Variants in FAM78B observed in about 807,000 individuals in gnomAD.
FAM78B encodes protein FAM78B.
In FAM78B, 10 loss-of-function variants were observed where a neutral mutation model predicts 20.0. The observed-to-expected ratio is 0.50, with a 90% CI of 0.31 to 0.85. The LOEUF is 0.85. Among genes scored for constraint, FAM78B ranks in the 40% least tolerant of loss-of-function variants. FAM78B has a pLI of 0.05. For synonymous variants in FAM78B, 135 were observed against 132.8 expected, an observed-to-expected ratio of 1.02 and a Z score of -0.12; for missense variants, 283 against 345.0, an observed-to-expected ratio of 0.82 and a Z score of 1.42.
chr1:166,067,490 G>T (rs553814166), downstream of FAM78B, among the ~76,000 whole-genome samples: 1 of 152,054 alleles, frequency 6.6e-6, no homozygotes, highest in African/African-American at 2.4e-5. Context: ...GGCATCTGGC[G>T]TCAGGCCCAG....
At position 166,154,862 on chromosome 1, in the gene FAM78B, G is replaced by T. The variant is rs1655835327; in HGVS notation, c.263+11124C>A. 6.4e-6 allele frequency: 3 copies of T among 472,030 alleles called. No individual in the cohort carries two copies. In the Admixed American group the frequency reaches 7.1e-5, roughly 11 times the overall value. The allele number at this position is 472,030 out of a possible 1,614,324, so 29.2% of individuals were successfully genotyped here. ...TGTAAAAGAAGCAAATGAGCTAGAT[G>T]ATTTCCCGCACCATCCTAACACCCT... On this transcript the variant is annotated intron_variant, in intron 1 of 1. Coordinates refer to ENST00000354422, the MANE Select transcript of FAM78B (RefSeq NM_001017961.5).
chr1:166,155,885 G>A (rs1421099007), intron 1 of FAM78B, among the ~76,000 whole-genome samples: 1 of 152,184 alleles, frequency 6.6e-6, no homozygotes, highest in East Asian at 1.9e-4. Flanking sequence ...ATCCCAGCCT[G>A]AGCCCCCATG....
intron 1 of FAM78B, among the ~76,000 whole-genome samples, chr1:166,160,789 T>C (rs1401133967): frequency 2.0e-5 from 3 of 152,254 alleles, no homozygotes; most frequent in Admixed American, 2.0e-4. Context: ...AAGATGGACA[T>C]GACATCTGCT....
chr1:166,157,032 GCGGA>G (rs796334842), intron 1 of FAM78B, among the ~76,000 whole-genome samples: 5,794 of 13,010 alleles, frequency 0.45, 1,782 homozygotes, highest in East Asian at 0.69. Flanking sequence ...CAAGGGGGCG[GCGGA>G]GGGGGGGGGG....
At chr1:166,141,003 A>T (rs547550065) in intron 1 of FAM78B, among the ~76,000 whole-genome samples, 7 of 152,226 alleles carry the variant, frequency 4.6e-5, no homozygotes, top group Non-Finnish European at 7.3e-5. Flanking sequence ...TTAAACACCA[A>T]AGCCAGGCTG....
intron 1 of FAM78B, among the ~76,000 whole-genome samples, chr1:166,073,137 G>A (rs959700017): frequency 1.3e-5 from 2 of 152,196 alleles, no homozygotes; most frequent in Non-Finnish European, 2.9e-5. Flanking sequence ...TTTCTTGGAG[G>A]AGTTTCTGGA....
intron 1 of FAM78B, among the ~76,000 whole-genome samples, chr1:166,078,127 G>A (rs948650960): frequency 6.6e-6 from 1 of 151,312 alleles, no homozygotes; most frequent in Non-Finnish European, 1.5e-5. Flanking sequence ...CGCCTCTTGG[G>A]TTCAAGCAAT....
At chr1:166,119,398 C>A (rs146564383) in intron 1 of FAM78B, among the ~76,000 whole-genome samples, 1 of 152,122 alleles carries the variant, frequency 6.6e-6, no homozygotes, top group Non-Finnish European at 1.5e-5. Flanking sequence ...CCAAAGGAGA[C>A]GACGCACATG....
intron 1 of FAM78B, among the ~76,000 whole-genome samples, chr1:166,120,042 C>T (rs1654410302): frequency 6.6e-6 from 1 of 152,212 alleles, no homozygotes; most frequent in Non-Finnish European, 1.5e-5. Context: ...GTCAGCTCCT[C>T]ACAGCTGAAA....
intron 1 of FAM78B, among the ~76,000 whole-genome samples, chr1:166,102,040 GT>G (rs1218693779): frequency 1.3e-5 from 2 of 152,222 alleles, no homozygotes; most frequent in African/African-American, 4.8e-5. Context: ...CCAGAAGAGA[GT>G]GGGGGCCAAT....
intron 1 of FAM78B, among the ~76,000 whole-genome samples, chr1:166,086,701 G>A (rs558513898): frequency 1.3e-5 from 2 of 152,180 alleles, no homozygotes; most frequent in Admixed American, 6.5e-5. Context: ...GCTGGGGCAG[G>A]AGATATAAAG....
exon 3 of FAM78B, chr1:166,059,880 A>T (rs1651510047): frequency 6.6e-6 from 1 of 152,270 alleles, no homozygotes; most frequent in African/African-American, 2.4e-5. Context: ...CAGGAAGACA[A>T]ATTCTGGGGC....
At chr1:166,099,352 CA>C (rs1285567030) in intron 1 of FAM78B, among the ~76,000 whole-genome samples, 4 of 151,390 alleles carry the variant, frequency 2.6e-5, no homozygotes, top group Non-Finnish European at 4.4e-5. Context: ...AAAGCAAAAA[CA>C]AACAAACAAA....
At chr1:166,074,499 T>C (rs1046251525) in intron 1 of FAM78B, among the ~76,000 whole-genome samples, 2 of 152,248 alleles carry the variant, frequency 1.3e-5, no homozygotes, top group Admixed American at 1.3e-4. Flanking sequence ...TTTGAATCAT[T>C]AGTGTCTTGC....
downstream of FAM78B, among the ~76,000 whole-genome samples, chr1:166,065,513 T>C (rs996119780): frequency 2.0e-5 from 3 of 152,224 alleles, no homozygotes; most frequent in Admixed American, 6.5e-5. Flanking sequence ...CCTCTTGTTC[T>C]ACACAAAGGA....
At chr1:166,102,276 G>A (rs1335250114) in intron 1 of FAM78B, among the ~76,000 whole-genome samples, 2 of 152,222 alleles carry the variant, frequency 1.3e-5, no homozygotes, top group African/African-American at 2.4e-5. Context: ...AAAGACCGTT[G>A]AGGCTAGGAA....
intron 1 of FAM78B, among the ~76,000 whole-genome samples, chr1:166,123,338 C>T (rs1401751392): frequency 2.6e-5 from 4 of 152,312 alleles, no homozygotes; most frequent in Admixed American, 6.5e-5. Flanking sequence ...GCCACCTTGC[C>T]GCTCCCATAA....
At chr1:166,116,979 T>C (rs1654283641) in intron 1 of FAM78B, among the ~76,000 whole-genome samples, 1 of 152,246 alleles carries the variant, frequency 6.6e-6, no homozygotes, top group Non-Finnish European at 1.5e-5. Context: ...TCCCTTGATG[T>C]TGACCTTGAC....
chr1:166,159,959 C>G lies in FAM78B; in HGVS notation c.263+6027G>C, dbSNP rs137936683. On this transcript the variant is annotated intron_variant, in intron 1 of 1. Transcript: ENST00000354422. ...GGCACTCAGGACTTTAATAAAGGAA[C>G]TGGATCCTGCTTTCCCATCTGATGC... 5.8e-3 allele frequency among the ~76,000 whole-genome samples: 884 copies of G among 152,354 alleles called. 2 individuals are homozygous for G. The highest frequency in any genetic ancestry group is 8.6e-3 in the Non-Finnish European group (585 of 68,032).
Sources: gnomAD v4.1 joint callset for allele counts (sites outside exome capture counted in the v4.1 genomes callset) on GRCh38, gnomAD v4.1.1 for gene constraint, MANE v1.5 for transcripts, NCBI Gene and HGNC (gene_info 2026-07-23, HGNC 2026-07-21) for gene names.